Variants in GLRA2 observed in about 807,000 individuals in gnomAD.
GLRA2 encodes glycine receptor alpha 2, also known as glycine receptor subunit alpha-2.
Under a neutral mutation model 31.6 loss-of-function variants are expected in GLRA2, and 11 were observed. The observed-to-expected ratio is 0.35, with a 90% CI of 0.22 to 0.58. The LOEUF (loss-of-function observed/expected upper bound fraction) is 0.58. Among genes scored for constraint, GLRA2 ranks in the 20% least tolerant of loss-of-function variants. The pLI, the probability that GLRA2 is intolerant of heterozygous loss-of-function variation, is 0.84. For synonymous variants in GLRA2, 132 were observed against 134.0 expected (o/e 0.99, Z 0.10); for missense variants, 212 against 351.8 (o/e 0.60, Z 3.18).
intron 3 of GLRA2, among the ~76,000 whole-genome samples, chrX:14,575,961 A>G (rs984352324): frequency 1.8e-5 from 2 of 111,214 alleles, no homozygotes; most frequent in African/African-American, 6.6e-5. Flanking sequence ...TGTAAAGTTT[A>G]CAACCATTCA....
the GLRA2 span, among the ~76,000 whole-genome samples, chrX:14,520,596 T>C: frequency 8.9e-6 from 1 of 112,374 alleles, no homozygotes; most frequent in Non-Finnish European, 1.9e-5. Context: ...TTTTTCTGAC[T>C]TCTAAACAAT....
chrX:14,494,919 C>A, the GLRA2 span, among the ~76,000 whole-genome samples: 1 of 111,871 alleles, frequency 8.9e-6, no homozygotes, highest in East Asian at 2.8e-4. Context: ...GCCGCCACAT[C>A]ACCTGGCCTT....
At chrX:14,486,053 C>T in the GLRA2 span, among the ~76,000 whole-genome samples, 1 of 111,449 alleles carries the variant, frequency 9.0e-6, no homozygotes, top group Admixed American at 9.6e-5. Context: ...CTGGTATTGT[C>T]TCAGGACTGA....
chrX:14,517,207 A>G, the GLRA2 span, among the ~76,000 whole-genome samples: 2 of 112,297 alleles, frequency 1.8e-5, no homozygotes, highest in Non-Finnish European at 3.8e-5. Flanking sequence ...TGCATCATAT[A>G]TAATCTATGC....
At chrX:14,722,928 T>C (rs2091883214) in intron 8 of GLRA2, among the ~76,000 whole-genome samples, 1 of 112,843 alleles carries the variant, frequency 8.9e-6, no homozygotes, top group South Asian at 3.7e-4. Flanking sequence ...TATTTACAAG[T>C]ATTGCCTTAT....
intron 7 of GLRA2, among the ~76,000 whole-genome samples, chrX:14,637,904 C>T (rs1336912500): frequency 9.0e-6 from 1 of 111,469 alleles, no homozygotes; most frequent in Non-Finnish European, 1.9e-5. Flanking sequence ...AAAAACCATA[C>T]AAGAAAACAA....
the GLRA2 span, among the ~76,000 whole-genome samples, chrX:14,467,339 A>T: frequency 1.2e-4 from 14 of 112,154 alleles, no homozygotes; most frequent in Non-Finnish European, 2.4e-4. Context: ...CAGCCTGAGT[A>T]GTACTATGTG....
intron 7 of GLRA2, among the ~76,000 whole-genome samples, chrX:14,654,080 G>A (rs1288492738): frequency 3.6e-5 from 4 of 111,575 alleles, no homozygotes; most frequent in Non-Finnish European, 5.6e-5. Flanking sequence ...AACTATGATC[G>A]TACCACTGCA....
At chrX:14,621,568 G>C (rs779355481) in intron 7 of GLRA2, among the ~76,000 whole-genome samples, 4 of 110,089 alleles carry the variant, frequency 3.6e-5, no homozygotes, top group Non-Finnish European at 7.6e-5. Context: ...CTGTGTCCAA[G>C]TGTTCTCATT....
intron 7 of GLRA2, among the ~76,000 whole-genome samples, chrX:14,681,689 G>C (rs1292964512): frequency 9.3e-6 from 1 of 107,121 alleles, no homozygotes; most frequent in African/African-American, 3.4e-5. Context: ...TCAGCAGTTT[G>C]AGACCAGCCT....
chrX:14,653,262 A>G (rs952622401), intron 7 of GLRA2, among the ~76,000 whole-genome samples: 6 of 112,124 alleles, frequency 5.4e-5, no homozygotes, highest in Non-Finnish European at 1.1e-4. Context: ...TATAGCTACC[A>G]TAGACAGTGA....
chrX:14,687,891 T>A (rs1032638085), intron 7 of GLRA2, among the ~76,000 whole-genome samples: 1 of 112,231 alleles, frequency 8.9e-6, no homozygotes, highest in Non-Finnish European at 1.9e-5. Flanking sequence ...TTTTTAGGAT[T>A]TTCAGCTTTT....
chrX:14,543,794 T>C (rs1164080001), intron 2 of GLRA2, among the ~76,000 whole-genome samples: 2 of 112,136 alleles, frequency 1.8e-5, no homozygotes, highest in Admixed American at 9.5e-5. Context: ...TGAGAAAATA[T>C]GTAGTAAAAA....
intron 7 of GLRA2, among the ~76,000 whole-genome samples, chrX:14,664,442 A>C (rs2091019787): frequency 8.9e-6 from 1 of 112,150 alleles, no homozygotes; most frequent in African/African-American, 3.2e-5. Flanking sequence ...CTTGCAAAGA[A>C]GGCATATTCT....
At chrX:14,623,344 T>G (rs112030552) in intron 7 of GLRA2, among the ~76,000 whole-genome samples, 2 of 111,211 alleles carry the variant, frequency 1.8e-5, no homozygotes, top group African/African-American at 6.6e-5. Flanking sequence ...CCTTTATTTC[T>G]TTCTCCTGCC....
chrX:14,488,132 G>A, the GLRA2 span, among the ~76,000 whole-genome samples: 1 of 111,747 alleles, frequency 8.9e-6, no homozygotes, highest in South Asian at 3.8e-4. Context: ...CTGTCCAGTT[G>A]CCTAGAAAGC....
chrX:14,524,352 AT>A (rs1369040753), upstream of GLRA2, among the ~76,000 whole-genome samples: 1 of 111,635 alleles, frequency 9.0e-6, no homozygotes, highest in Non-Finnish European at 1.9e-5. Context: ...ATTTTAATCT[AT>A]GGCCCTATAG....
chrX:14,488,799 T>A, the GLRA2 span, among the ~76,000 whole-genome samples: 1 of 112,498 alleles, frequency 8.9e-6, no homozygotes, highest in Non-Finnish European at 1.9e-5. Context: ...TAAAATAATT[T>A]CCATTTACCA....
intron 2 of GLRA2, among the ~76,000 whole-genome samples, chrX:14,560,460 A>G (rs1316698907): frequency 8.9e-6 from 1 of 112,001 alleles, no homozygotes; most frequent in Non-Finnish European, 1.9e-5. Flanking sequence ...TACACAGGAT[A>G]CCCTATTATT....
Sources: gnomAD v4.1 joint callset for allele counts (sites outside exome capture counted in the v4.1 genomes callset) on GRCh38, gnomAD v4.1.1 for gene constraint, MANE v1.5 for transcripts, NCBI Gene and HGNC (gene_info 2026-07-23, HGNC 2026-07-21) for gene names.